FSHR: variants seen among roughly 807,000 people sequenced by gnomAD.
FSHR encodes follicle-stimulating hormone receptor.
FSHR carries 46 observed loss-of-function variants against 52.1 expected under a neutral mutation model. The ratio of observed to expected loss-of-function variants is 0.88; its 90% CI spans 0.70 to 1.13. The LOEUF is 1.13. Ranked by LOEUF, FSHR falls within the 50% of genes most tolerant of loss-of-function variation. The pLI is 0.00. For synonymous variants in FSHR, 399 were observed against 309.6 expected (o/e 1.29, Z -3.03); for missense variants, 964 against 834.6 (o/e 1.16, Z -1.91).
At chr2:49,078,933 G>C (rs114964940) in intron 1 of FSHR, among the ~76,000 whole-genome samples, 1 of 151,934 alleles carries the variant, frequency 6.6e-6, no homozygotes, top group Non-Finnish European at 1.5e-5. Context: ...AAATGAAAAA[G>C]ATATGTCAGA....
chr2:49,074,170 G>C (rs1401451104), intron 1 of FSHR, among the ~76,000 whole-genome samples: 1 of 151,828 alleles, frequency 6.6e-6, no homozygotes, highest in Non-Finnish European at 1.5e-5. Context: ...GGAAACAAAA[G>C]GAAAAATAAA....
At chr2:49,072,605 G>T (rs113595689) in intron 1 of FSHR, among the ~76,000 whole-genome samples, 1 of 152,072 alleles carries the variant, frequency 6.6e-6, no homozygotes, top group Non-Finnish European at 1.5e-5. Flanking sequence ...ATGAAAGACT[G>T]TTGATAGAAA....
At chr2:49,120,712 A>G (rs2103778830) in intron 1 of FSHR, among the ~76,000 whole-genome samples, 1 of 151,788 alleles carries the variant, frequency 6.6e-6, no homozygotes, top group Admixed American at 6.6e-5. Context: ...ATATTATACA[A>G]CCTCTCTGGC....
At chr2:49,061,772 AACTC>A (rs1479641789) in intron 2 of FSHR, among the ~76,000 whole-genome samples, 16 of 141,480 alleles carry the variant, frequency 1.1e-4, no homozygotes, top group Admixed American at 2.9e-4. Context: ...AACTATATAT[AACTC>A]TATATATTCA....
chr2:49,009,103 A>G (rs1667175988), intron 4 of FSHR, among the ~76,000 whole-genome samples: 2 of 151,720 alleles, frequency 1.3e-5, no homozygotes, highest in East Asian at 1.9e-4. Flanking sequence ...GTCCTTGCCC[A>G]TGCCTATGTC....
At chr2:48,964,968 C>G (rs77298156) in intron 9 of FSHR, among the ~76,000 whole-genome samples, 1,984 of 150,028 alleles carry the variant, frequency 0.013, 40 homozygotes, top group African/African-American at 0.045. Flanking sequence ...TGGGAATAAG[C>G]CTTACGTTAG....
chr2:49,013,521 T>TATATAAAAATATATATATAAATAA (rs1667368559), intron 4 of FSHR, among the ~76,000 whole-genome samples: 1 of 142,990 alleles, frequency 7.0e-6, no homozygotes, highest in African/African-American at 2.6e-5. Flanking sequence ...TATATAAATA[T>TATATAAAAATATATATATAAATAA]ATATAAAAAT....
At chr2:49,028,114 T>A (rs1667972264) in intron 2 of FSHR, among the ~76,000 whole-genome samples, 1 of 151,942 alleles carries the variant, frequency 6.6e-6, no homozygotes, top group Non-Finnish European at 1.5e-5. Context: ...AAAAGTGAGG[T>A]GCGAGGTTGG....
intron 4 of FSHR, chr2:49,015,078 T>G (rs1019186554): frequency 3.3e-6 from 1 of 302,274 alleles, no homozygotes; most frequent in African/African-American, 2.2e-5. Context: ...GCAAAGTGTT[T>G]TTTTATTAAA....
At chr2:49,104,877 C>T (rs1177584623) in intron 1 of FSHR, among the ~76,000 whole-genome samples, 1 of 151,884 alleles carries the variant, frequency 6.6e-6, no homozygotes, top group Admixed American at 6.6e-5. Flanking sequence ...GGGGCGGGCA[C>T]AGAACTCACC....
At position 48,970,822 on chromosome 2, in the gene FSHR, C is replaced by T. The variant is rs184848155; in HGVS notation, c.669-1939G>A. ...TCAGCAAATGACTCTTCCAGTTTCC[C>T]CTGTTTTTCATAATGGAAACCTGGG... On this transcript the variant is annotated intron_variant, in intron 8 of 9. Transcript: ENST00000406846. 6.6e-5 allele frequency among the ~76,000 whole-genome samples: 10 copies of T among 152,222 alleles called. No individual in the cohort carries two copies. In the East Asian group the frequency reaches 1.9e-3, roughly 29 times the overall value.
chr2:49,021,831 TTCTCTCTCTC>T (rs1553334822), intron 2 of FSHR, among the ~76,000 whole-genome samples: 470 of 46,344 alleles, frequency 0.01, 18 homozygotes, highest in Middle Eastern at 0.021. Flanking sequence ...GGGTATGTGT[TTCTCTCTCTC>T]TCTCTCTCTC....
chr2:49,147,315 T>C (rs546880041), intron 1 of FSHR, among the ~76,000 whole-genome samples: 1 of 152,160 alleles, frequency 6.6e-6, no homozygotes, highest in South Asian at 2.1e-4. Context: ...CAAAGCTAAA[T>C]TGGAGAGTCT....
At chr2:49,012,693 A>G (rs868704708) in intron 4 of FSHR, among the ~76,000 whole-genome samples, 6 of 152,106 alleles carry the variant, frequency 3.9e-5, no homozygotes, top group South Asian at 2.1e-4. Flanking sequence ...AACAAAACCA[A>G]CAACTCAATC....
At chr2:48,970,353 G>C (rs1261728030) in intron 8 of FSHR, among the ~76,000 whole-genome samples, 1 of 152,052 alleles carries the variant, frequency 6.6e-6, no homozygotes, top group Non-Finnish European at 1.5e-5. Context: ...TCGGGAAATA[G>C]TACTCACTAA....
chr2:49,005,451 A>T (rs1383775573), intron 4 of FSHR, among the ~76,000 whole-genome samples: 1 of 152,168 alleles, frequency 6.6e-6, no homozygotes, highest in Non-Finnish European at 1.5e-5. Context: ...CAACATCCTT[A>T]GATCCTTGCA....
chr2:49,082,017 G>A (rs1395149181), intron 1 of FSHR, among the ~76,000 whole-genome samples: 8 of 152,160 alleles, frequency 5.3e-5, no homozygotes, highest in East Asian at 1.9e-4. Context: ...AAAGTTAGGC[G>A]GAGGAGCCAA....
intron 4 of FSHR, among the ~76,000 whole-genome samples, chr2:49,006,931 C>T (rs1403443723): frequency 6.6e-6 from 1 of 152,102 alleles, no homozygotes; most frequent in Non-Finnish European, 1.5e-5. Flanking sequence ...CATTGTTTGA[C>T]AGGACAAATG....
intron 2 of FSHR, among the ~76,000 whole-genome samples, chr2:49,031,989 G>C (rs1234967677): frequency 2.0e-5 from 3 of 152,232 alleles, no homozygotes; most frequent in East Asian, 3.9e-4. Context: ...GCTTGTATCT[G>C]TGCACCCAGC....
Sources: gnomAD v4.1 joint callset for allele counts (sites outside exome capture counted in the v4.1 genomes callset) on GRCh38, gnomAD v4.1.1 for gene constraint, MANE v1.5 for transcripts, NCBI Gene and HGNC (gene_info 2026-07-23, HGNC 2026-07-21) for gene names.